Variants in KAZN observed in about 807,000 individuals in gnomAD.
KAZN encodes the protein kazrin.
Under a neutral mutation model 87.4 loss-of-function variants are expected in KAZN, and 40 were observed. The observed-to-expected ratio is 0.46, with a 90% confidence interval of 0.36 to 0.60. KAZN has a LOEUF of 0.60. Ranked by LOEUF, KAZN falls within the 20% of genes least tolerant of loss-of-function variation. The pLI is 0.00. For synonymous variants in KAZN, 466 were observed against 458.3 expected, an observed-to-expected ratio of 1.02 and a Z score of -0.22; for missense variants, 898 against 1,073.9, an observed-to-expected ratio of 0.84 and a Z score of 2.29.
intron 4 of KAZN, among the ~76,000 whole-genome samples, chr1:15,051,078 C>T (rs566040030): frequency 9.9e-5 from 15 of 152,246 alleles, no homozygotes; most frequent in South Asian, 2.1e-4. Context: ...GTGTGCCATC[C>T]GCACAGGAGC....
chr1:13,904,066 T>G (rs988285228), intron 1 of KAZN, among the ~76,000 whole-genome samples: 1 of 152,144 alleles, frequency 6.6e-6, no homozygotes, highest in African/African-American at 2.4e-5. Context: ...ATTTGGAGAC[T>G]GAGGCAGGGT....
intron 2 of KAZN, among the ~76,000 whole-genome samples, chr1:14,335,110 C>CA (rs994220903): frequency 2.0e-5 from 3 of 147,014 alleles, no homozygotes; most frequent in Non-Finnish European, 4.6e-5. Flanking sequence ...CTCGGTGCCC[C>CA]CCCCCCACCA....
rs112209213 is a variant in KAZN at position 14,770,270 on chromosome 1, T to A, written c.226+171047T>A. 5.9e-5 allele frequency among the ~76,000 whole-genome samples: 9 copies of A among 152,180 alleles called. No homozygotes were observed. The East Asian group carries it at 1.3e-3, about 23-fold the overall frequency. On this transcript the variant is annotated intron_variant, in intron 1 of 14. Transcript: ENST00000376030. ...CTCTAGCTACAGTGTGGAGAACTGA[T>A]AGGATGGTCAACAGTCAATGGGGAA...
intron 1 of KAZN, among the ~76,000 whole-genome samples, chr1:13,917,822 A>G (rs549477542): frequency 1.3e-5 from 2 of 149,682 alleles, no homozygotes; most frequent in South Asian, 2.1e-4. Flanking sequence ...AAAAAAAAGG[A>G]AAGAAATTAT....
rs1214411509 is a variant in KAZN at position 14,736,299 on chromosome 1, G to GTGTGTGTA, written c.226+137077_226+137078insGTGTGTAT. ...TGTGTGTGTGTGTGTGTGTGTGTGTGTATATTTTTTTTTTTTGAGACGGAG... is the reference window on the plus strand; with the variant it reads ...TGTGTGTGTGTGTGTGTGTGTGTGTGTGTGTGTATATATTTTTTTTTTTTGAGACGGAG... On this transcript the variant is annotated intron_variant, in intron 1 of 14. Transcript: ENST00000376030. 3.4e-3 allele frequency among the ~76,000 whole-genome samples: 417 copies of GTGTGTGTA among 121,060 alleles called. 3 individuals are homozygous for GTGTGTGTA. Among genetic ancestry groups the GTGTGTGTA allele is most frequent in the African/African-American group, 9.0e-3 (270 of 29,966 alleles). The allele number at this position is 121,060 out of a possible 152,430, so 79.4% of individuals were successfully genotyped here. A position where few individuals can be genotyped will look rare whatever the true frequency, so the allele number is the denominator to read the frequency against.
At chr1:14,338,199 C>T (rs183707010) in intron 2 of KAZN, among the ~76,000 whole-genome samples, 131 of 152,006 alleles carry the variant, frequency 8.6e-4, no homozygotes, top group African/African-American at 2.8e-3. Flanking sequence ...ACAGGCTGGG[C>T]GCAATGGCTC....
chr1:13,976,004 C>G (rs934505966), intron 1 of KAZN, among the ~76,000 whole-genome samples: 1 of 152,218 alleles, frequency 6.6e-6, no homozygotes, highest in African/African-American at 2.4e-5. Context: ...CCATTGCACC[C>G]TGCCTTGAAT....
At chr1:14,023,502 C>T (rs1380596946) in intron 1 of KAZN, among the ~76,000 whole-genome samples, 4 of 152,126 alleles carry the variant, frequency 2.6e-5, no homozygotes, top group African/African-American at 9.7e-5. Context: ...AACACAGCTA[C>T]AAAGTGGTCC....
chr1:14,212,500 A>G (rs1356440419), intron 2 of KAZN, among the ~76,000 whole-genome samples: 1 of 151,992 alleles, frequency 6.6e-6, no homozygotes, highest in Non-Finnish European at 1.5e-5. Flanking sequence ...AAAAAAAGGT[A>G]AAATGAGATT....
At chr1:14,598,220 G>T (rs1004602025), upstream of KAZN, among the ~76,000 whole-genome samples, 2 of 152,128 alleles carry the variant, frequency 1.3e-5, no homozygotes, top group African/African-American at 4.8e-5. This position sits in a 1 kb window ranked among gnomAD's most constrained non-coding sequence, Gnocchi z 4.2. Context: ...GGCACGCGGG[G>T]CACCAGCTCA....
At chr1:14,693,373 T>C (rs996900728) in intron 1 of KAZN, among the ~76,000 whole-genome samples, 6 of 152,212 alleles carry the variant, frequency 3.9e-5, no homozygotes, top group Admixed American at 2.6e-4. Flanking sequence ...ATTCTAAATG[T>C]TGGTATTGCG....
At chr1:14,801,214 C>T (rs1646006005) in intron 1 of KAZN, among the ~76,000 whole-genome samples, 1 of 152,232 alleles carries the variant, frequency 6.6e-6, no homozygotes, top group South Asian at 2.1e-4. Context: ...CAGGGTGTTT[C>T]AGCATCATCG....
intron 1 of KAZN, among the ~76,000 whole-genome samples, chr1:14,665,093 C>A (rs1639438962): frequency 6.6e-6 from 1 of 152,160 alleles, no homozygotes; most frequent in African/African-American, 2.4e-5. Flanking sequence ...TCCATGTACC[C>A]CTCTTTATTC....
At chr1:14,390,289 G>T (rs1662304611) in intron 2 of KAZN, among the ~76,000 whole-genome samples, 1 of 152,014 alleles carries the variant, frequency 6.6e-6, no homozygotes. Flanking sequence ...ATAGTCTACT[G>T]GAAAAGACAG....
intron 2 of KAZN, among the ~76,000 whole-genome samples, chr1:14,361,333 T>G (rs927874988): frequency 2.0e-5 from 3 of 152,138 alleles, no homozygotes; most frequent in Non-Finnish European, 4.4e-5. Context: ...GTGCTGGCAG[T>G]GAGAATTTCA....
chr1:14,887,684 C>A (rs1392022656), intron 1 of KAZN, among the ~76,000 whole-genome samples: 1 of 131,008 alleles, frequency 7.6e-6, no homozygotes, highest in Non-Finnish European at 1.6e-5. Context: ...TTTTTTTTTG[C>A]GGTCGTGCTC....
intron 2 of KAZN, among the ~76,000 whole-genome samples, chr1:14,217,794 G>C (rs1166263465): frequency 1.3e-5 from 2 of 152,010 alleles, no homozygotes; most frequent in Non-Finnish European, 2.9e-5. Context: ...AGGCATCCAG[G>C]CAAAAAGATC....
Position 14,196,972 on chromosome 1 carries a change from A to G in KAZN, c.249+16380A>G, listed in dbSNP as rs137950734. Among the ~76,000 whole-genome samples the G allele has an allele frequency of 2.0e-4, 31 of 152,182 alleles. No individual in the cohort carries two copies. The East Asian group carries it at 6.1e-3, about 30-fold the overall frequency. On this transcript the variant is annotated intron_variant, in intron 2 of 16. Coordinates refer to the KAZN transcript ENST00000636203. ...AGCTGAAAATGATCCTTTGTGAGCA[A>G]TTCTGCTGATAGATGGGCCGGAATG...
intron 2 of KAZN, among the ~76,000 whole-genome samples, chr1:14,521,890 G>C (rs1376333992): frequency 1.3e-5 from 2 of 152,160 alleles, no homozygotes; most frequent in Non-Finnish European, 2.9e-5. Context: ...GTGGATAAAA[G>C]TGCACCATAG....
Sources: gnomAD v4.1 joint callset for allele counts (sites outside exome capture counted in the v4.1 genomes callset) on GRCh38, gnomAD v4.1.1 for gene constraint, Gnocchi (gnomAD v3.1) non-coding constraint, MANE v1.5 for transcripts, NCBI Gene and HGNC (gene_info 2026-07-23, HGNC 2026-07-21) for gene names.